The following EP400 variants were observed in gnomAD, a reference collection of about 807,000 sequenced individuals.
EP400 encodes E1A-binding protein p400.
Under a neutral mutation model 354.1 loss-of-function variants are expected in EP400, and 105 were observed. The observed-to-expected ratio is 0.30, with a 90% CI of 0.25 to 0.35. The LOEUF is 0.35. Ranked by LOEUF, EP400 falls within the 10% of genes least tolerant of loss-of-function variation. The probability of loss-of-function intolerance (pLI) is 1.00; values close to 1 mark genes in which losing one functional copy is unlikely to be tolerated. For missense variants in EP400, 3,280 were observed against 4,121.0 expected, an observed-to-expected ratio of 0.80 and a Z score of 5.59; for synonymous variants, 1,646 against 1,716.9, an observed-to-expected ratio of 0.96 and a Z score of 1.02.
chr12:132,023,747 GA>G, intron 23 of EP400, 29 bp from the exon 24 acceptor site: 1 of 1,608,030 alleles, frequency 6.2e-7, no homozygotes, highest in East Asian at 2.2e-5. Flanking sequence ...AAAATGATCT[GA>G]ATTCACCTTT....
intron 1 of EP400, among the ~76,000 whole-genome samples, chr12:131,952,612 C>G (rs1252167248): frequency 6.6e-6 from 1 of 152,052 alleles, no homozygotes; most frequent in African/African-American, 2.4e-5. Context: ...GGCACCACGC[C>G]GTGCTAATTT....
intron 48 of EP400, 134 bp downstream of exon 48, chr12:132,065,020 G>T: frequency 6.9e-7 from 1 of 1,441,086 alleles, no homozygotes; most frequent in South Asian, 1.4e-5. Context: ...CGAGAACTTA[G>T]TACCCCTTGG....
chr12:132,069,686 C>T (rs902417592), intron 51 of EP400, 45 bp downstream of exon 51: 3 of 1,607,464 alleles, frequency 1.9e-6, no homozygotes, highest in Non-Finnish European at 2.6e-6. Context: ...GGAGTGGGTG[C>T]CCGGCCTTTG....
chr12:132,051,211 T>A (rs1194453760), intron 41 of EP400, among the ~76,000 whole-genome samples: 1 of 152,184 alleles, frequency 6.6e-6, no homozygotes, highest in Non-Finnish European at 1.5e-5. Flanking sequence ...CATAAAATGT[T>A]GGAAAGGAGG....
At chr12:132,005,639 A>G (rs1022251595) in intron 13 of EP400, among the ~76,000 whole-genome samples, 8 of 152,186 alleles carry the variant, frequency 5.3e-5, no homozygotes, top group African/African-American at 1.9e-4. Context: ...AGTGGCCCAC[A>G]GGAGCCTTGG....
intron 12 of EP400, among the ~76,000 whole-genome samples, chr12:132,004,374 T>C (rs1893513149): frequency 1.3e-5 from 2 of 152,224 alleles, no homozygotes; most frequent in Non-Finnish European, 2.9e-5. Flanking sequence ...CCCACTGTTA[T>C]TGGGGATTTA....
chr12:132,044,415 T>C (rs1895016568), intron 35 of EP400, 104 bp downstream of exon 35: 3 of 1,446,756 alleles, frequency 2.1e-6, no homozygotes, highest in East Asian at 4.9e-5. Context: ...CATGAGAAAA[T>C]GCCTAGGAAT....
chr12:132,003,160 A>G (rs1259546411), intron 12 of EP400, among the ~76,000 whole-genome samples: 1 of 151,660 alleles, frequency 6.6e-6, no homozygotes, highest in East Asian at 1.9e-4. Context: ...AGCCTGGGCA[A>G]CATAGCAAGA....
In EP400 at chr12:132,069,476, T is replaced by C; in HGVS notation, c.8875-19T>C. 6.2e-7 allele frequency: 1 copy of C among 1,612,086 alleles called. No individual in the cohort carries two copies. Among genetic ancestry groups the C allele is most frequent in the East Asian group, 2.2e-5 (1 of 44,828 alleles). The stretch of plus-strand genomic sequence containing the variant: ...CGCGGCATGGTCTCTGCGGCCCTAA[T>C]TTCGCAGTCTCTCCCCAGATCACCG... On this transcript the variant is annotated intron_variant, in intron 50 of 52. Coordinates refer to ENST00000389561, the MANE Select transcript of EP400 (RefSeq NM_015409.5).
chr12:132,077,843 C>G lies in EP400; in HGVS notation c.*170C>G, dbSNP rs1896283849. ...TTAAAATGCATCCCACACTGCAGGA[C>G]AAATGGTCCTTATGGAGTGCCGCGT... On this transcript the variant is annotated 3_prime_UTR_variant, in exon 53 of 53. Coordinates refer to ENST00000389561, the MANE Select transcript of EP400 (RefSeq NM_015409.5). 1.1e-6 allele frequency: 1 copy of G among 908,532 alleles called. No homozygotes were observed. Among genetic ancestry groups the G allele is most frequent in the South Asian group, 1.8e-5 (1 of 55,602 alleles). The allele number at this position is 908,532 out of a possible 1,614,324, so 56.3% of individuals were successfully genotyped here.
At chr12:132,024,864 C>T (rs1894249608) in intron 24 of EP400, among the ~76,000 whole-genome samples, 1 of 151,680 alleles carries the variant, frequency 6.6e-6, no homozygotes, top group African/African-American at 2.4e-5. Flanking sequence ...CTTCCTTCAC[C>T]TTCCGTGACT....
chr12:132,026,332 G>C (rs1036696717), intron 25 of EP400, among the ~76,000 whole-genome samples: 13 of 152,180 alleles, frequency 8.5e-5, no homozygotes, highest in African/African-American at 3.1e-4. Flanking sequence ...GCCTAGAGGG[G>C]TGAGGCTCTC....
At chr12:132,032,181 T>C (rs766403328) in intron 30 of EP400, 32 bp downstream of exon 30, 1 of 1,592,240 alleles carries the variant, frequency 6.3e-7, no homozygotes, top group South Asian at 1.1e-5. Flanking sequence ...GATCAGGAGA[T>C]GCAAAGACAT....
At chr12:131,952,299 T>C (rs1347510222) in intron 1 of EP400, among the ~76,000 whole-genome samples, 1 of 91,712 alleles carries the variant, frequency 1.1e-5, no homozygotes, top group Non-Finnish European at 2.0e-5. Flanking sequence ...CGAGACTCTG[T>C]CTCAAAAAAA....
Position 132,067,300 on chromosome 12 carries a change from C to A in EP400, c.8750-62C>A. ...TAGAGGTGAGTCAGTTGGAACAGAG[C>A]TTGGCGTGAGCCTCAAGCTCTTTTC... On this transcript the variant is annotated intron_variant, in intron 49 of 52. Coordinates refer to ENST00000389561, the MANE Select transcript of EP400 (RefSeq NM_015409.5). The surrounding 1 kb of genome is among the most constrained non-coding windows in gnomAD (Gnocchi z 5.3). 6.3e-7 allele frequency: 1 copy of A among 1,582,610 alleles called. No homozygotes were observed. Among genetic ancestry groups the A allele is most frequent in the African/African-American group, 1.3e-5 (1 of 74,254 alleles).
Position 132,044,925 on chromosome 12 carries a change from G to A in EP400, c.6756G>A (p.Glu2252=). 6.2e-7 allele frequency: 1 copy of A among 1,614,202 alleles called. No individual in the cohort carries two copies. Among genetic ancestry groups the A allele is most frequent in the Non-Finnish European group, 8.5e-7 (1 of 1,180,040 alleles). Residue 2252 remains glutamate, a synonymous_variant, in exon 37 of 53, where the codon GAG becomes GAA. Transcript: ENST00000389561. ...TGCCCCCTGTGTACGTGAGGAAGGA[G>A]CGGAAGCGACACAAAACAGACCCCT... ...AKLPPVYVRK[E]RKRHKTDPSA...
Position 132,029,945 on chromosome 12 carries a change from C to G in EP400, c.5584+42C>G. On this transcript the variant is annotated intron_variant, in intron 28 of 52. Coordinates refer to ENST00000389561, the MANE Select transcript of EP400 (RefSeq NM_015409.5). The surrounding 1 kb of genome is among the most constrained non-coding windows in gnomAD (Gnocchi z 4.7). ...GGCGTGGCCCGTGCGGGAGCTGCAC[C>G]GGCCCTGGATGATGAGGCGCTCTTG... 3 of 1,611,624 alleles carry G rather than the reference C, an allele frequency of 1.9e-6. No homozygotes were observed. The highest frequency in any genetic ancestry group is 2.5e-6 in the Non-Finnish European group (3 of 1,179,438).
chr12:131,973,041 A>G (rs544236621), intron 2 of EP400, among the ~76,000 whole-genome samples: 1 of 152,202 alleles, frequency 6.6e-6, no homozygotes, highest in Admixed American at 6.5e-5. Flanking sequence ...TGATTTTTTA[A>G]ATGTTATGTT....
chr12:131,994,400 C>T lies in EP400; in HGVS notation c.2738-467C>T, dbSNP rs1233870076. Among the ~76,000 whole-genome samples the T allele has an allele frequency of 6.6e-6, 1 of 151,892 alleles. No individual in the cohort carries two copies. Among genetic ancestry groups the T allele is most frequent in the Non-Finnish European group, 1.5e-5 (1 of 67,996 alleles). ...CTGCCAGGAGCCAAGATCTCTATGG[C>T]GAGTGAGGCGTGAGGTTCAGGGCTG... On this transcript the variant is annotated intron_variant, in intron 11 of 52. Transcript: ENST00000389561. This position sits in a 1 kb window ranked among gnomAD's most constrained non-coding sequence, Gnocchi z 4.6.
Sources: allele counts gnomAD v4.1 joint callset (sites outside exome capture counted in the v4.1 genomes callset), GRCh38; gene constraint gnomAD v4.1.1; non-coding constraint Gnocchi (gnomAD v3.1); transcripts MANE v1.5; gene names NCBI Gene and HGNC (gene_info 2026-07-23, HGNC 2026-07-21).